PLCB1: variants seen among roughly 807,000 people sequenced by gnomAD.
PLCB1 encodes 1-phosphatidylinositol 4,5-bisphosphate phosphodiesterase beta-1.
A neutral mutation model predicts 161.8 loss-of-function variants in PLCB1; 46 were observed. The ratio of observed to expected loss-of-function variants is 0.28; its 90% CI spans 0.22 to 0.36. The LOEUF is 0.36. Ranked by LOEUF, PLCB1 falls within the 10% of genes least tolerant of loss-of-function variation. The pLI, the probability that PLCB1 is intolerant of heterozygous loss-of-function variation, is 1.00. For synonymous variants in PLCB1, 517 were observed against 503.7 expected, an observed-to-expected ratio of 1.03 and a Z score of -0.35; for missense variants, 1,016 against 1,472.5, an observed-to-expected ratio of 0.69 and a Z score of 5.07.
chr20:8,776,042 A>T, intron 27 of PLCB1, among the ~76,000 whole-genome samples: 1 of 152,164 alleles, frequency 6.6e-6, no homozygotes, highest in Admixed American at 6.5e-5. Context: ...AACGGGCAAT[A>T]ATGGCTTTGA....
chr20:8,484,036 A>T lies in PLCB1; in HGVS notation c.246+112586A>T, dbSNP rs144738861. 2.6e-3 allele frequency among the ~76,000 whole-genome samples: 397 copies of T among 152,160 alleles called. 1 individual carries two copies. The highest frequency in any genetic ancestry group is 9.3e-3 in the African/African-American group (387 of 41,520). On this transcript the variant is annotated intron_variant, in intron 3 of 31. Transcript: ENST00000338037. ...TTCCTTAGATCTTTGGTTTTGTTTT[A>T]CTTTTTGAGAAGGAATTTTGCTCTT... is the stretch of plus-strand genomic sequence containing the variant.
intron 2 of PLCB1, among the ~76,000 whole-genome samples, chr20:8,244,131 A>G (rs1462379869): frequency 6.6e-6 from 1 of 151,978 alleles, no homozygotes; most frequent in Non-Finnish European, 1.5e-5. Context: ...AAAGATATAG[A>G]TAACGAGAAC....
chr20:8,542,208 A>G (rs1224317040), intron 3 of PLCB1, among the ~76,000 whole-genome samples: 1 of 152,070 alleles, frequency 6.6e-6, no homozygotes, highest in East Asian at 1.9e-4. Flanking sequence ...GTTCTTTCCT[A>G]CGTGTGAACC....
intron 15 of PLCB1, among the ~76,000 whole-genome samples, chr20:8,723,528 A>T (rs1191980638): frequency 6.6e-6 from 1 of 152,026 alleles, no homozygotes. Flanking sequence ...TTCATTAAAA[A>T]CTCTATCAAA....
chr20:8,619,950 A>G (rs917385572), intron 3 of PLCB1, among the ~76,000 whole-genome samples: 2 of 152,172 alleles, frequency 1.3e-5, no homozygotes, highest in African/African-American at 4.8e-5. Context: ...AGTATTCAGT[A>G]TGTTCCCCCC....
intron 31 of PLCB1, among the ~76,000 whole-genome samples, chr20:8,828,646 A>T (rs932930040): frequency 2.6e-5 from 4 of 152,154 alleles, no homozygotes; most frequent in African/African-American, 4.8e-5. Flanking sequence ...CAGAACTAGG[A>T]TTGTGTCTTC....
chr20:8,352,895 AT>A (rs1203922873), intron 2 of PLCB1, among the ~76,000 whole-genome samples: 3 of 152,160 alleles, frequency 2.0e-5, no homozygotes, highest in Non-Finnish European at 2.9e-5. Context: ...GTGTGAACTC[AT>A]TTTTAGCTTA....
intron 2 of PLCB1, among the ~76,000 whole-genome samples, chr20:8,243,608 A>G (rs184320766): frequency 6.6e-6 from 1 of 151,924 alleles, no homozygotes; most frequent in African/African-American, 2.4e-5. Flanking sequence ...TGCTTACTTT[A>G]TTTAACTCCA....
At chr20:8,243,249 C>G (rs375774053) in intron 2 of PLCB1, among the ~76,000 whole-genome samples, 3 of 151,938 alleles carry the variant, frequency 2.0e-5, no homozygotes, top group Non-Finnish European at 4.4e-5. Flanking sequence ...GATTCTGGAA[C>G]CTACTTTAAA....
chr20:8,832,445 G>A (rs1360170826), intron 31 of PLCB1, among the ~76,000 whole-genome samples: 1 of 152,178 alleles, frequency 6.6e-6, no homozygotes, highest in East Asian at 1.9e-4. Flanking sequence ...ATACAGTCAT[G>A]GGTTATAGAG....
intron 2 of PLCB1, chr20:8,305,743 G>C (rs1984105040): frequency 1.3e-5 from 2 of 152,178 alleles, no homozygotes; most frequent in South Asian, 4.1e-4. Flanking sequence ...TATAAACCTT[G>C]CTATTTATAT....
At chr20:8,215,570 A>T (rs1979075846) in intron 2 of PLCB1, among the ~76,000 whole-genome samples, 1 of 151,994 alleles carries the variant, frequency 6.6e-6, no homozygotes, top group South Asian at 2.1e-4. Context: ...ACAGCCAGAG[A>T]GTATGCAATT....
At chr20:8,592,911 T>C (rs979329387) in intron 3 of PLCB1, among the ~76,000 whole-genome samples, 1 of 152,130 alleles carries the variant, frequency 6.6e-6, no homozygotes, top group Non-Finnish European at 1.5e-5. Context: ...GGCTGCACAT[T>C]AGGGCCCCCT....
intron 3 of PLCB1, among the ~76,000 whole-genome samples, chr20:8,440,621 A>G (rs1980516143): frequency 6.6e-6 from 1 of 152,196 alleles, no homozygotes. Flanking sequence ...TGGCTAGAAA[A>G]GCAATTAAAC....
intron 2 of PLCB1, among the ~76,000 whole-genome samples, chr20:8,321,526 G>A (rs1984918988): frequency 6.6e-6 from 1 of 152,132 alleles, no homozygotes; most frequent in Non-Finnish European, 1.5e-5. Flanking sequence ...TTGGGGGAGT[G>A]ATATGGGTCC....
chr20:8,490,530 T>C (rs1370350048), intron 3 of PLCB1, among the ~76,000 whole-genome samples: 2 of 152,214 alleles, frequency 1.3e-5, no homozygotes, highest in Non-Finnish European at 2.9e-5. Context: ...TAGATAAATT[T>C]TGTAAGCAAA....
intron 3 of PLCB1, among the ~76,000 whole-genome samples, chr20:8,481,522 G>A (rs994662744): frequency 1.3e-5 from 2 of 152,180 alleles, no homozygotes; most frequent in Admixed American, 6.5e-5. Context: ...ATGTAGTTTT[G>A]CCAAACAGAA....
intron 3 of PLCB1, among the ~76,000 whole-genome samples, chr20:8,602,895 G>A (rs1987634173): frequency 6.6e-6 from 1 of 152,336 alleles, no homozygotes; most frequent in Middle Eastern, 3.4e-3. Flanking sequence ...GAGAGCTGGT[G>A]TTCAGAGGTG....
intron 3 of PLCB1, among the ~76,000 whole-genome samples, chr20:8,382,594 G>A (rs906051110): frequency 6.8e-6 from 1 of 146,740 alleles, no homozygotes; most frequent in Non-Finnish European, 1.5e-5. Flanking sequence ...CACCCAGGCT[G>A]GAGTACAGTG....
Sources: allele counts gnomAD v4.1 joint callset (sites outside exome capture counted in the v4.1 genomes callset), GRCh38; gene constraint gnomAD v4.1.1; transcripts MANE v1.5; gene names NCBI Gene and HGNC (gene_info 2026-07-23, HGNC 2026-07-21).